ARHGAP15: variants seen among roughly 807,000 people sequenced by gnomAD.
ARHGAP15 encodes Rho GTPase activating protein 15.
ARHGAP15 carries 51 observed loss-of-function variants against 63.7 expected under a neutral mutation model. The ratio of observed to expected loss-of-function variants is 0.80; its 90% CI spans 0.64 to 1.01. ARHGAP15 has a LOEUF of 1.01. ARHGAP15 is among the 50% of genes least tolerant of loss of function. The pLI, the probability that ARHGAP15 is intolerant of heterozygous loss-of-function variation, is 0.00. For missense variants in ARHGAP15, 560 were observed against 564.6 expected, an observed-to-expected ratio of 0.99 and a Z score of 0.08; for synonymous variants, 191 against 193.8, an observed-to-expected ratio of 0.99 and a Z score of 0.12.
chr2:143,710,898 A>T lies in ARHGAP15; in HGVS notation c.1244+7374A>T, dbSNP rs540717585. ...GTTCAGGTGTTAATTAAGTCAAATAAATTCATATTTGTGAAAATGTTTGGT... is the reference window on the plus strand; with the variant it reads ...GTTCAGGTGTTAATTAAGTCAAATATATTCATATTTGTGAAAATGTTTGGT... On this transcript the variant is annotated intron_variant, in intron 13 of 13. Transcript: ENST00000295095. Among the ~76,000 whole-genome samples the T allele has an allele frequency of 6.7e-4, 102 of 152,188 alleles. 1 individual carries two copies. Among genetic ancestry groups the T allele is most frequent in the Non-Finnish European group, 1.3e-3 (88 of 68,024 alleles).
At position 143,713,190 on chromosome 2, in the gene ARHGAP15, G is replaced by A. The variant is rs368196780; in HGVS notation, c.1244+9666G>A. Among the ~76,000 whole-genome samples, 4 of 152,278 alleles carry A rather than the reference G, an allele frequency of 2.6e-5. No homozygotes were observed. In the South Asian group the frequency reaches 8.3e-4, roughly 32 times the overall value. ...TTTAATTGGACTTACAGTTCCACGT[G>A]GCTGAGGTGGAGAGACCTCAGAATC... On this transcript the variant is annotated intron_variant, in intron 13 of 13. Coordinates refer to ENST00000295095, the MANE Select transcript of ARHGAP15 (RefSeq NM_018460.4).
chr2:143,743,108 A>C (rs574969175), intron 13 of ARHGAP15, among the ~76,000 whole-genome samples: 2 of 152,176 alleles, frequency 1.3e-5, no homozygotes, highest in Admixed American at 1.3e-4. Flanking sequence ...AACCAAACAA[A>C]CTGAAGAGGA....
At chr2:143,343,371 G>T (rs939530832) in intron 6 of ARHGAP15, among the ~76,000 whole-genome samples, 1 of 152,002 alleles carries the variant, frequency 6.6e-6, no homozygotes, top group Non-Finnish European at 1.5e-5. Flanking sequence ...AATTTGGCAG[G>T]GGGTGGGGTG....
At chr2:143,284,591 A>G (rs1249817527) in intron 6 of ARHGAP15, among the ~76,000 whole-genome samples, 1 of 152,196 alleles carries the variant, frequency 6.6e-6, no homozygotes, top group Non-Finnish European at 1.5e-5. Flanking sequence ...CAGATAACCC[A>G]AAAGAATGGA....
intron 11 of ARHGAP15, among the ~76,000 whole-genome samples, chr2:143,613,849 C>G (rs184731786): frequency 5.9e-5 from 9 of 152,140 alleles, no homozygotes; most frequent in Non-Finnish European, 1.5e-5. Flanking sequence ...CTCTTCTATA[C>G]GCCCACTCCA....
intron 9 of ARHGAP15, among the ~76,000 whole-genome samples, chr2:143,515,392 T>C (rs1693769905): frequency 6.6e-6 from 1 of 152,186 alleles, no homozygotes; most frequent in African/African-American, 2.4e-5. Context: ...TTAGTGTTGG[T>C]TTAAAAGCTC....
intron 9 of ARHGAP15, among the ~76,000 whole-genome samples, chr2:143,513,725 C>T (rs1333557630): frequency 2.6e-5 from 4 of 152,216 alleles, no homozygotes; most frequent in Non-Finnish European, 4.4e-5. Context: ...CCTCAAGTAA[C>T]TGCATCTCTG....
intron 8 of ARHGAP15, among the ~76,000 whole-genome samples, chr2:143,480,053 A>G (rs528985703): frequency 2.6e-5 from 4 of 152,304 alleles, no homozygotes; most frequent in East Asian, 3.9e-4. Context: ...GCTAAGTGCT[A>G]TAACAAAAAG....
At chr2:143,312,461 AT>A (rs1683492515) in intron 6 of ARHGAP15, among the ~76,000 whole-genome samples, 2 of 151,782 alleles carry the variant, frequency 1.3e-5, no homozygotes, top group African/African-American at 2.4e-5. Context: ...CTCTGCAGTT[AT>A]TTTTTTCAAA....
intron 11 of ARHGAP15, among the ~76,000 whole-genome samples, chr2:143,589,702 A>G (rs1159283733): frequency 6.6e-6 from 1 of 152,184 alleles, no homozygotes; most frequent in African/African-American, 2.4e-5. Flanking sequence ...TCAAATGGCT[A>G]TGATATCCCA....
At chr2:143,494,220 T>A (rs13024145) in intron 9 of ARHGAP15, among the ~76,000 whole-genome samples, 28,992 of 152,142 alleles carry the variant, frequency 0.19, 3,348 homozygotes, top group East Asian at 0.48. Flanking sequence ...CATTAGATCA[T>A]CTGAATTGAT....
At chr2:143,664,373 A>G (rs1574801405) in intron 12 of ARHGAP15, among the ~76,000 whole-genome samples, 1 of 151,980 alleles carries the variant, frequency 6.6e-6, no homozygotes, top group Non-Finnish European at 1.5e-5. Flanking sequence ...AACCAACGAG[A>G]ACAAAGACAC....
intron 13 of ARHGAP15, among the ~76,000 whole-genome samples, chr2:143,759,386 T>C (rs1346730938): frequency 1.3e-5 from 2 of 152,174 alleles, no homozygotes; most frequent in African/African-American, 2.4e-5. Context: ...ATATAAGTCA[T>C]AGGAATTATT....
intron 3 of ARHGAP15, among the ~76,000 whole-genome samples, chr2:143,209,255 T>C (rs928420610): frequency 6.6e-6 from 1 of 152,132 alleles, no homozygotes; most frequent in Non-Finnish European, 1.5e-5. Flanking sequence ...GAAATATCCT[T>C]CCAGATCTTC....
rs995532665 is a variant in ARHGAP15 at position 143,560,642 on chromosome 2, C to A, written c.1003+4157C>A. On this transcript the variant is annotated intron_variant, in intron 11 of 13. Coordinates refer to ENST00000295095, the MANE Select transcript of ARHGAP15 (RefSeq NM_018460.4). ...CATGACTTTCCTTTACACCCCGCCT[C>A]TTGGTGTTGGTAACTGATGAGTACT... Among the ~76,000 whole-genome samples the A allele has an allele frequency of 2.6e-5, 4 of 152,220 alleles. No individual in the cohort carries two copies. In the East Asian group the frequency reaches 7.7e-4, roughly 29 times the overall value.
chr2:143,134,282 C>A (rs894272519), intron 1 of ARHGAP15, among the ~76,000 whole-genome samples: 1 of 152,156 alleles, frequency 6.6e-6, no homozygotes, highest in Non-Finnish European at 1.5e-5. Flanking sequence ...AACTATCCTT[C>A]ATGTTATTTG....
At chr2:143,432,827 A>G (rs1318222665) in intron 6 of ARHGAP15, among the ~76,000 whole-genome samples, 1 of 151,976 alleles carries the variant, frequency 6.6e-6, no homozygotes, top group African/African-American at 2.4e-5. Flanking sequence ...TGGTGTGGTA[A>G]TGAGGGATTT....
At chr2:143,362,774 A>G (rs1209204735) in intron 6 of ARHGAP15, among the ~76,000 whole-genome samples, 1 of 152,206 alleles carries the variant, frequency 6.6e-6, no homozygotes, top group Non-Finnish European at 1.5e-5. Context: ...CGTGACTCCT[A>G]TCTGAACACA....
At chr2:143,682,463 T>C (rs1281476036) in intron 12 of ARHGAP15, among the ~76,000 whole-genome samples, 1 of 151,990 alleles carries the variant, frequency 6.6e-6, no homozygotes, top group African/African-American at 2.4e-5. Context: ...AATGTGAAAA[T>C]GCAAAAACAT....
Sources: gnomAD v4.1 joint callset for allele counts (sites outside exome capture counted in the v4.1 genomes callset) on GRCh38, gnomAD v4.1.1 for gene constraint, MANE v1.5 for transcripts, NCBI Gene and HGNC (gene_info 2026-07-23, HGNC 2026-07-21) for gene names.